Variants in ABCA13 observed in about 807,000 individuals in gnomAD.
ABCA13 encodes the protein ATP binding cassette subfamily A member 13, also known as ATP-binding cassette sub-family A member 13.
A neutral mutation model predicts 478.7 loss-of-function variants in ABCA13; 476 were observed. The observed-to-expected ratio is 0.99, with a 90% CI of 0.92 to 1.07. The LOEUF (loss-of-function observed/expected upper bound fraction) is 1.07, where lower values mean the gene tolerates loss of function less well. ABCA13 is among the 50% of genes least tolerant of loss of function. ABCA13 has a pLI of 0.00. For missense variants in ABCA13, 6,060 were observed against 5,910.6 expected (o/e 1.03, Z -0.83); for synonymous variants, 2,252 against 2,158.9 (o/e 1.04, Z -1.20).
intron 45 of ABCA13, among the ~76,000 whole-genome samples, chr7:48,476,193 T>G (rs2130423621): frequency 6.6e-6 from 1 of 152,296 alleles, no homozygotes; most frequent in South Asian, 2.1e-4. Context: ...CTCCTCCAGC[T>G]TCTCTTGTTT....
chr7:48,220,407 C>G (rs1025000421), intron 4 of ABCA13, among the ~76,000 whole-genome samples: 8 of 152,124 alleles, frequency 5.3e-5, no homozygotes, highest in African/African-American at 1.9e-4. Flanking sequence ...TGGATGTGTT[C>G]TATTTTAAAT....
chr7:48,383,021 G>A (rs1814637110), intron 35 of ABCA13, among the ~76,000 whole-genome samples: 1 of 152,056 alleles, frequency 6.6e-6, no homozygotes, highest in South Asian at 2.1e-4. Flanking sequence ...TCATTCTTGG[G>A]CTGACAGCTG....
At position 48,453,339 on chromosome 7, in the gene ABCA13, T is replaced by G. The variant is rs771708768; in HGVS notation, c.12566-1698T>G. On this transcript the variant is annotated intron_variant, in intron 42 of 61. Transcript: ENST00000435803. ...TTTAGAAACCACTGCTTTAACTACC[T>G]AATGCCTCATCCTCATTAGAACTTT... Among the ~76,000 whole-genome samples the G allele has an allele frequency of 1.0e-3, 156 of 152,128 alleles. 1 individual carries two copies. The highest frequency in any genetic ancestry group is 2.0e-3 in the Non-Finnish European group (134 of 68,010).
rs201346706 is a variant in ABCA13 at position 48,388,014 on chromosome 7, AT to A, written c.11473+64del. The A allele has an allele frequency of 2.2e-4, 347 of 1,544,936 alleles. 1 individual carries two copies. The highest frequency in any genetic ancestry group is 1.5e-3 in the South Asian group (123 of 82,660). On this transcript the variant is annotated intron_variant, in intron 36 of 61. Coordinates refer to ENST00000435803, the MANE Select transcript of ABCA13 (RefSeq NM_152701.5). ...TGTATTTTTCCTTTGATCCATTTTG[AT>A]TTTTTTTTGTTTGTTTTTATGGTCC...
chr7:48,635,231 A>C (rs1386053835), intron 59 of ABCA13, among the ~76,000 whole-genome samples: 1 of 152,078 alleles, frequency 6.6e-6, no homozygotes, highest in East Asian at 1.9e-4. Context: ...AAAAAAAAAA[A>C]AAAAAAACCT....
chr7:48,434,418 T>C (rs1321304820), intron 42 of ABCA13, among the ~76,000 whole-genome samples: 1 of 151,976 alleles, frequency 6.6e-6, no homozygotes, highest in Admixed American at 6.6e-5. Flanking sequence ...TAATCTCATA[T>C]TAGAAATATA....
chr7:48,357,099 T>C (rs983531119), intron 31 of ABCA13, among the ~76,000 whole-genome samples: 1 of 151,908 alleles, frequency 6.6e-6, no homozygotes, highest in African/African-American at 2.4e-5. Context: ...ATCTGGACTT[T>C]GATGTGTCTT....
rs750114724 is a variant in ABCA13, at chr7:48,516,898, C to T, written c.13797+17C>T. The T allele has an allele frequency of 6.2e-7, 1 of 1,612,028 alleles. No homozygotes were observed. Among genetic ancestry groups the T allele is most frequent in the South Asian group, 1.1e-5 (1 of 90,860 alleles). On this transcript the variant is annotated intron_variant, in intron 52 of 61. Coordinates refer to ENST00000435803, the MANE Select transcript of ABCA13 (RefSeq NM_152701.5). ...AAAGCTAAGGTCAGTAGCTTTGTAG[C>T]ATCACCTCTACACTTCTGCACCTCT...
intron 1 of ABCA13, among the ~76,000 whole-genome samples, chr7:48,174,919 C>T (rs575373988): frequency 6.6e-6 from 1 of 152,278 alleles, no homozygotes; most frequent in Non-Finnish European, 1.5e-5. Flanking sequence ...AAGGTTCTTT[C>T]CAGCTCTTAT....
chr7:48,427,589 T>C (rs1169651460), intron 41 of ABCA13, among the ~76,000 whole-genome samples, 177 bp from the exon 42 acceptor site: 2 of 152,196 alleles, frequency 1.3e-5, no homozygotes, highest in Admixed American at 1.3e-4. Flanking sequence ...GTAGCCTGTT[T>C]TGCTGAGACC....
Position 48,245,729 on chromosome 7 carries a change from G to A in ABCA13, c.1491+117G>A, listed in dbSNP as rs1044478191. 81 of 1,424,616 alleles carry A rather than the reference G, an allele frequency of 5.7e-5. 1 individual carries two copies. Among genetic ancestry groups the A allele is most frequent in the Non-Finnish European group, 7.4e-5 (78 of 1,055,178 alleles). The allele number at this position is 1,424,616 out of a possible 1,614,324, so 88.2% of individuals were successfully genotyped here. A position where few individuals can be genotyped will look rare whatever the true frequency, so the allele number is the denominator to read the frequency against. ...TGCTAGCTAAAAAAGGGAACAATATGCAGGTTTTTCAAAACTTTATGTTGT... is the reference window on the plus strand; with the variant it reads ...TGCTAGCTAAAAAAGGGAACAATATACAGGTTTTTCAAAACTTTATGTTGT... On this transcript the variant is annotated intron_variant, in intron 12 of 61. Transcript: ENST00000435803.
intron 43 of ABCA13, among the ~76,000 whole-genome samples, chr7:48,458,082 G>A (rs1825862038): frequency 6.6e-6 from 1 of 152,128 alleles, no homozygotes; most frequent in African/African-American, 2.4e-5. Context: ...TCCTCTCTGA[G>A]TGTGTACCTT....
At chr7:48,577,773 A>G (rs1303796631) in intron 55 of ABCA13, among the ~76,000 whole-genome samples, 1 of 152,174 alleles carries the variant, frequency 6.6e-6, no homozygotes, top group African/African-American at 2.4e-5. Context: ...GGGCATTACA[A>G]GAAAGGAAAA....
At chr7:48,225,131 G>GCCTTCCTT (rs1434820823) in intron 5 of ABCA13, among the ~76,000 whole-genome samples, 6,204 of 104,372 alleles carry the variant, frequency 0.059, 277 homozygotes, top group Non-Finnish European at 0.087. Flanking sequence ...CTGCCTGCCT[G>GCCTTCCTT]CCTGCCTTCC....
chr7:48,396,963 C>T (rs990129625), intron 38 of ABCA13, among the ~76,000 whole-genome samples: 5 of 152,114 alleles, frequency 3.3e-5, no homozygotes, highest in Non-Finnish European at 5.9e-5. Context: ...TTTGGAGATA[C>T]GAAACAAAAC....
At chr7:48,342,126 G>C (rs1005747097) in intron 29 of ABCA13, among the ~76,000 whole-genome samples, 1 of 151,008 alleles carries the variant, frequency 6.6e-6, no homozygotes, top group Non-Finnish European at 1.5e-5. Flanking sequence ...CTAAATATTT[G>C]GTATTATTTA....
intron 41 of ABCA13, among the ~76,000 whole-genome samples, chr7:48,419,863 G>A (rs983970455): frequency 6.6e-6 from 1 of 152,108 alleles, no homozygotes; most frequent in South Asian, 2.1e-4. Flanking sequence ...AAAGAATCTG[G>A]AATATATATA....
chr7:48,343,406 A>T (rs907555151), intron 29 of ABCA13, among the ~76,000 whole-genome samples: 26 of 151,950 alleles, frequency 1.7e-4, no homozygotes, highest in Non-Finnish European at 3.4e-4. Flanking sequence ...CTCACCTATA[A>T]AGCTGATACC....
chr7:48,476,811 A>G (rs1828145115), intron 45 of ABCA13, among the ~76,000 whole-genome samples: 1 of 152,166 alleles, frequency 6.6e-6, no homozygotes, highest in South Asian at 2.1e-4. Context: ...GCATCTAGGT[A>G]AATAAATATG....
Sources: allele counts gnomAD v4.1 joint callset (sites outside exome capture counted in the v4.1 genomes callset), GRCh38; gene constraint gnomAD v4.1.1; transcripts MANE v1.5; gene names NCBI Gene and HGNC (gene_info 2026-07-23, HGNC 2026-07-21).